Variants in SOS1 observed in about 807,000 individuals in gnomAD.
The protein encoded by SOS1 is SOS Ras/Rac guanine nucleotide exchange factor 1, also known as son of sevenless homolog 1.
In SOS1, 25 loss-of-function variants were observed where a neutral mutation model predicts 157.6. The ratio of observed to expected loss-of-function variants is 0.16; its 90% CI spans 0.12 to 0.22. The LOEUF is 0.22. Among genes scored for constraint, SOS1 ranks in the 10% least tolerant of loss-of-function variants. The probability of loss-of-function intolerance (pLI) is 1.00; values close to 1 mark genes in which losing one functional copy is unlikely to be tolerated. For missense variants in SOS1, 1,237 were observed against 1,599.1 expected (o/e 0.77, Z 3.86); for synonymous variants, 528 against 534.0 (o/e 0.99, Z 0.16).
At chr2:39,051,329 T>C in intron 5 of SOS1, 42 bp from the exon 6 acceptor site, 3 of 1,561,396 alleles carry the variant, frequency 1.9e-6, no homozygotes, top group South Asian at 1.1e-5. Context: ...GGCTGTATTA[T>C]TATAATATTA....
intron 4 of SOS1, among the ~76,000 whole-genome samples, chr2:39,055,544 G>A (rs1035460140): frequency 1.5e-4 from 23 of 152,060 alleles, no homozygotes; most frequent in Admixed American, 1.2e-3. Context: ...CGTGTCTTCA[G>A]TTAAAAATAC....
intron 1 of SOS1, among the ~76,000 whole-genome samples, chr2:39,085,545 T>A (rs1672340598): frequency 6.6e-6 from 1 of 152,232 alleles, no homozygotes; most frequent in Non-Finnish European, 1.5e-5. Flanking sequence ...AAGCAGGAGA[T>A]TCTAGTTTTT....
chr2:39,076,962 CAACA>C lies in SOS1; in HGVS notation c.88-9213_88-9210del, dbSNP rs376954962. Reference sequence around the variant, plus strand: ...AAAGATAGTTGCACTCCTACATAAGCAACAAACAGAAAATATAATTTTTTAATGA... The same window carrying C: ...AAAGATAGTTGCACTCCTACATAAGCAACAGAAAATATAATTTTTTAATGA... On this transcript the variant is annotated intron_variant, in intron 1 of 22. Transcript: ENST00000402219. Among the ~76,000 whole-genome samples, 10 of 152,110 alleles carry C rather than the reference CAACA, an allele frequency of 6.6e-5. No homozygotes were observed. In the East Asian group the frequency reaches 1.2e-3, roughly 18 times the overall value.
Position 39,054,798 on chromosome 2 carries a change from T to G in SOS1, c.536A>C (p.Asp179Ala). 2 of 1,533,792 alleles carry G rather than the reference T, an allele frequency of 1.3e-6. No individual in the cohort carries two copies. The highest frequency in any genetic ancestry group is 1.8e-6 in the Non-Finnish European group (2 of 1,107,130). ...DKVLMDMFHQDVEDINILSLT... is the reference protein window; with the variant it reads ...DKVLMDMFHQAVEDINILSLT... ...AGATAATATATTAATATCTTCTACA[T>G]CTTGATGAAACATATCCATCAATAC... The change falls in exon 5 of 23, where the codon GAT (aspartate) becomes GCT (alanine). Residue 179 changes from aspartate to alanine, a missense_variant. Asp to Ala is a moderately radical substitution (Grantham distance 126, BLOSUM62 -2). This residue lies in a region of SOS1 where 108 missense variants were observed against 115.3 expected (regional missense o/e 0.94). Coordinates refer to ENST00000402219, the MANE Select transcript of SOS1 (RefSeq NM_005633.4).
At chr2:39,089,428 A>C (rs557615318) in intron 1 of SOS1, among the ~76,000 whole-genome samples, 3 of 148,802 alleles carry the variant, frequency 2.0e-5, no homozygotes, top group Non-Finnish European at 3.0e-5. Flanking sequence ...GCTACTCGGG[A>C]GGCTGAAGCA....
At chr2:39,036,826 C>T (rs1670370639) in intron 6 of SOS1, among the ~76,000 whole-genome samples, 1 of 152,056 alleles carries the variant, frequency 6.6e-6, no homozygotes, top group Non-Finnish European at 1.5e-5. Context: ...CCGCCCGCCT[C>T]GGCCTCCCAA....
rs542742716 is a variant in SOS1 at position 39,042,783 on chromosome 2, A to T, written c.865-7283T>A. ...AGTCAGGTTTATTTCCAGGTACTTT[A>T]TGGTCTTATTTCTATAGTGAATGCA... is the stretch of plus-strand genomic sequence containing the variant. On this transcript the variant is annotated intron_variant, in intron 6 of 22. Transcript: ENST00000402219. Among the ~76,000 whole-genome samples, 305 of 140,854 alleles carry T rather than the reference A, an allele frequency of 2.2e-3. 4 individuals are homozygous for T. In the South Asian group the frequency reaches 0.028, roughly 13 times the overall value. 92.4% of individuals were successfully genotyped at this position (140,854 alleles called of 152,430 possible).
intron 15 of SOS1, among the ~76,000 whole-genome samples, chr2:39,008,677 G>A (rs1439276508): frequency 6.6e-5 from 10 of 152,162 alleles, no homozygotes; most frequent in African/African-American, 1.7e-4. Context: ...CAATTTGATT[G>A]CATTATTTTG....
At chr2:39,022,109 T>C (rs948607840) in intron 10 of SOS1, among the ~76,000 whole-genome samples, 11 of 151,938 alleles carry the variant, frequency 7.2e-5, no homozygotes, top group Admixed American at 3.3e-4. Context: ...ACATTTATTA[T>C]TAAATAATCA....
chr2:39,001,663 G>C (rs1346326212), intron 17 of SOS1, among the ~76,000 whole-genome samples: 1 of 152,180 alleles, frequency 6.6e-6, no homozygotes, highest in Non-Finnish European at 1.5e-5. Flanking sequence ...CATATAGACA[G>C]GATGGAATTC....
In SOS1 at chr2:39,013,578, C is replaced by A. The variant is rs746484679; in HGVS notation, c.2064-15G>T. On this transcript the variant is annotated splice_polypyrimidine_tract_variant and intron_variant, in intron 12 of 22. Coordinates refer to ENST00000402219, the MANE Select transcript of SOS1 (RefSeq NM_005633.4). ...CATTTAATACTCTATGGCATTAACACAGAATTGAATTACATGGGAATCAAA... is the reference window on the plus strand; with the variant it reads ...CATTTAATACTCTATGGCATTAACAAAGAATTGAATTACATGGGAATCAAA... 1.4e-5 allele frequency: 20 copies of A among 1,468,190 alleles called. No individual in the cohort carries two copies. The highest frequency in any genetic ancestry group is 2.8e-5 in the African/African-American group (2 of 72,100). 90.9% of individuals were successfully genotyped at this position (1,468,190 alleles called of 1,614,324 possible).
intron 1 of SOS1, among the ~76,000 whole-genome samples, chr2:39,086,391 G>A (rs1027294607): frequency 2.6e-5 from 4 of 152,214 alleles, no homozygotes; most frequent in Admixed American, 2.6e-4. Context: ...AAGATGAGCA[G>A]ATGTTTTCAT....
intron 6 of SOS1, among the ~76,000 whole-genome samples, chr2:39,043,294 AAGAGT>A (rs1377863665): frequency 6.6e-6 from 1 of 152,230 alleles, no homozygotes; most frequent in Non-Finnish European, 1.5e-5. Context: ...CAAACCACAT[AAGAGT>A]AAACATCATA....
intron 19 of SOS1, 118 bp downstream of exon 19, chr2:38,996,804 G>A (rs1437568679): frequency 1.4e-6 from 1 of 709,794 alleles, no homozygotes; most frequent in Non-Finnish European, 2.6e-6. Context: ...TAATTATTAA[G>A]TACTTTTTCA....
At chr2:39,020,400 T>C (rs1330578325) in intron 10 of SOS1, among the ~76,000 whole-genome samples, 2 of 151,724 alleles carry the variant, frequency 1.3e-5, no homozygotes, top group African/African-American at 2.4e-5. Flanking sequence ...TTCATTAAAT[T>C]TTCTCATGTA....
chr2:39,082,025 C>G (rs1672220342), intron 1 of SOS1, among the ~76,000 whole-genome samples: 1 of 152,014 alleles, frequency 6.6e-6, no homozygotes, highest in Non-Finnish European at 1.5e-5. Flanking sequence ...GGTATCCATT[C>G]CCTCAAGCAT....
At position 38,982,637 on chromosome 2, in the gene SOS1, A is replaced by G. The variant is rs1188545066; in HGVS notation, c.*3187T>C. ...TTTCTTTCTAAATCTGAAGGAACAAAAAGGTTTTCTTCAATATGTACAACA... is the reference window on the plus strand; with the variant it reads ...TTTCTTTCTAAATCTGAAGGAACAAGAAGGTTTTCTTCAATATGTACAACA... On this transcript the variant is annotated 3_prime_UTR_variant, in exon 23 of 23. Coordinates refer to ENST00000402219, the MANE Select transcript of SOS1 (RefSeq NM_005633.4). 1 of 152,194 alleles carries G rather than the reference A, an allele frequency of 6.6e-6. No homozygotes were observed. Among genetic ancestry groups the G allele is most frequent in the African/African-American group, 2.4e-5 (1 of 41,460 alleles). The allele number at this position is 152,194 out of a possible 1,614,324, so 9.4% of individuals were successfully genotyped here.
intron 19 of SOS1, 58 bp from the exon 20 acceptor site, chr2:38,995,445 T>C (rs1668864109): frequency 2.9e-6 from 4 of 1,362,146 alleles, no homozygotes; most frequent in Admixed American, 3.4e-5. Flanking sequence ...AAGGAAAGTT[T>C]TTCTATATGT....
chr2:39,099,020 T>C (rs1672872455), intron 1 of SOS1, among the ~76,000 whole-genome samples: 2 of 152,206 alleles, frequency 1.3e-5, no homozygotes, highest in Admixed American at 6.5e-5. Context: ...ATGTTCATCA[T>C]CAGTTATTAG....
Sources: gnomAD v4.1 joint callset for allele counts (sites outside exome capture counted in the v4.1 genomes callset) on GRCh38, gnomAD v4.1.1 for gene constraint, gnomAD v4.1.1 regional missense constraint, MANE v1.5 for transcripts, NCBI Gene and HGNC (gene_info 2026-07-23, HGNC 2026-07-21) for gene names.